Variants in PARVA observed in about 807,000 individuals in gnomAD.
PARVA encodes parvin alpha, also known as alpha-parvin.
A neutral mutation model predicts 52.6 loss-of-function variants in PARVA; 25 were observed. The observed-to-expected ratio is 0.48, with a 90% confidence interval of 0.35 to 0.66. The LOEUF (loss-of-function observed/expected upper bound fraction) is 0.66, where lower values mean the gene tolerates loss of function less well. Among genes scored for constraint, PARVA ranks in the 30% least tolerant of loss-of-function variants. PARVA has a pLI of 0.01. For synonymous variants in PARVA, 185 were observed against 179.1 expected, an observed-to-expected ratio of 1.03 and a Z score of -0.26; for missense variants, 373 against 450.9, an observed-to-expected ratio of 0.83 and a Z score of 1.56.
At chr11:12,486,134 G>C (rs900066806) in intron 4 of PARVA, among the ~76,000 whole-genome samples, 2 of 152,194 alleles carry the variant, frequency 1.3e-5, no homozygotes, top group Admixed American at 1.3e-4. Flanking sequence ...AGTAATGTGA[G>C]CTGTTAACAA....
rs1941734155 is a variant in PARVA, at chr11:12,528,611, T to TGTGCACATCTGAGCAC, written c.*695_*710dup. The TGTGCACATCTGAGCAC allele has an allele frequency of 6.5e-6, 1 of 152,744 alleles. No individual in the cohort carries two copies. The highest frequency in any genetic ancestry group is 1.5e-5 in the Non-Finnish European group (1 of 68,188). 9.5% of individuals were successfully genotyped at this position (152,744 alleles called of 1,614,324 possible). A position where few individuals can be genotyped will look rare whatever the true frequency, so the allele number is the denominator to read the frequency against. ...TGCATGTTCTAAAGTTGTGTATGTG[T>TGTGCACATCTGAGCAC]GTGCACATCTGAGCACGTGCACATG... is the stretch of plus-strand genomic sequence containing the variant. On this transcript the variant is annotated 3_prime_UTR_variant, in exon 13 of 13. Transcript: ENST00000334956.
intron 1 of PARVA, among the ~76,000 whole-genome samples, chr11:12,392,083 T>C (rs749159998): frequency 6.6e-6 from 1 of 151,988 alleles, no homozygotes; most frequent in Non-Finnish European, 1.5e-5. Context: ...TTGCCTACTG[T>C]GGACATTCCA....
At chr11:12,478,033 C>T in intron 4 of PARVA, 84 bp downstream of exon 4, 1 of 810,462 alleles carries the variant, frequency 1.2e-6, no homozygotes, top group Admixed American at 1.7e-5. Flanking sequence ...GAGTTATTCT[C>T]AGTTTACAGT....
chr11:12,501,809 T>C (rs1295105026), intron 5 of PARVA, among the ~76,000 whole-genome samples: 1 of 152,208 alleles, frequency 6.6e-6, no homozygotes, highest in Non-Finnish European at 1.5e-5. Context: ...GAGTCTGACA[T>C]CTATATGATG....
intron 1 of PARVA, among the ~76,000 whole-genome samples, chr11:12,435,518 A>G (rs893898306): frequency 1.3e-5 from 2 of 152,208 alleles, no homozygotes; most frequent in African/African-American, 4.8e-5. Context: ...CATGATAGCA[A>G]GTGCTTGTGT....
intron 1 of PARVA, among the ~76,000 whole-genome samples, chr11:12,398,965 G>A (rs1048198984): frequency 2.6e-5 from 4 of 151,962 alleles, no homozygotes; most frequent in South Asian, 2.1e-4. Context: ...TAATCCTGCC[G>A]AACCCTATAC....
intron 1 of PARVA, among the ~76,000 whole-genome samples, chr11:12,422,466 G>T (rs189487302): frequency 3.2e-4 from 48 of 152,342 alleles, no homozygotes; most frequent in Admixed American, 7.8e-4. Context: ...GGCAGTAGTT[G>T]AGTGGGCTTG....
At chr11:12,433,906 G>T (rs1430739115) in intron 1 of PARVA, among the ~76,000 whole-genome samples, 1 of 152,160 alleles carries the variant, frequency 6.6e-6, no homozygotes, top group Non-Finnish European at 1.5e-5. Flanking sequence ...GTGGAAAATT[G>T]ACCACAGATG....
At chr11:12,518,347 C>A (rs753531983) in intron 11 of PARVA, 98 bp from the exon 12 acceptor site, 25 of 844,654 alleles carry the variant, frequency 3.0e-5, no homozygotes, top group African/African-American at 5.1e-5. Flanking sequence ...CAGCCTCTGT[C>A]CCTCTGGCTA....
At chr11:12,389,334 A>G (rs1939624264) in intron 1 of PARVA, among the ~76,000 whole-genome samples, 1 of 152,080 alleles carries the variant, frequency 6.6e-6, no homozygotes, top group South Asian at 2.1e-4. Context: ...GGGGACTGCC[A>G]TCCTTGAAGC....
At chr11:12,467,896 T>G (rs1940876110) in intron 1 of PARVA, among the ~76,000 whole-genome samples, 1 of 152,216 alleles carries the variant, frequency 6.6e-6, no homozygotes, top group African/African-American at 2.4e-5. Flanking sequence ...CCCGCCCTAC[T>G]TATCTGCTAT....
At chr11:12,440,440 A>T (rs544514768) in intron 1 of PARVA, among the ~76,000 whole-genome samples, 1 of 152,186 alleles carries the variant, frequency 6.6e-6, no homozygotes, top group Non-Finnish European at 1.5e-5. Flanking sequence ...TGTGCCCGTG[A>T]ACTGGGGCTC....
chr11:12,389,695 T>C (rs1015835293), intron 1 of PARVA, among the ~76,000 whole-genome samples: 1 of 152,136 alleles, frequency 6.6e-6, no homozygotes, highest in Non-Finnish European at 1.5e-5. Context: ...TTTCAGCTGG[T>C]TTTGACAGAG....
chr11:12,482,625 CAA>C (rs35722013), intron 4 of PARVA, among the ~76,000 whole-genome samples: 13 of 133,104 alleles, frequency 9.8e-5, no homozygotes, highest in Non-Finnish European at 8.0e-5. Flanking sequence ...GTCTCCATCT[CAA>C]AAAAAAAAAA....
intron 1 of PARVA, among the ~76,000 whole-genome samples, chr11:12,410,997 C>G (rs1939985271): frequency 1.3e-5 from 2 of 152,108 alleles, no homozygotes. Flanking sequence ...CTGACGATCC[C>G]TAGTTCATGA....
chr11:12,513,257 G>T (rs1205466185), intron 8 of PARVA, 42 bp from the exon 9 acceptor site: 2 of 1,595,806 alleles, frequency 1.3e-6, no homozygotes, highest in Non-Finnish European at 1.7e-6. Flanking sequence ...CCCTGCCAGG[G>T]ATCAGCTCTT....
rs187149773 is a variant in PARVA, at chr11:12,416,786, G to A, written c.136+39003G>A. ...TGGAGGGAGAAAGAAGGGAAGAGGA[G>A]GGAGGGAGGGAGAAAGGAGGGGAGG... On this transcript the variant is annotated intron_variant, in intron 1 of 12. Coordinates refer to ENST00000334956, the MANE Select transcript of PARVA (RefSeq NM_018222.5). Among the ~76,000 whole-genome samples the A allele has an allele frequency of 1.9e-3, 284 of 151,846 alleles. 4 individuals are homozygous for A. The highest frequency in any genetic ancestry group is 0.017 in the Admixed American group (261 of 15,232).
chr11:12,511,578 G>A lies in PARVA; in HGVS notation c.736+45G>A. The A allele has an allele frequency of 2.5e-6, 4 of 1,603,230 alleles. No individual in the cohort carries two copies. The South Asian group carries it at 4.4e-5, about 18-fold the overall frequency. On this transcript the variant is annotated intron_variant, in intron 8 of 12. Coordinates refer to ENST00000334956, the MANE Select transcript of PARVA (RefSeq NM_018222.5). ...CCTCTGGCACTGGTGGCTGCACTGG[G>A]GCTTTAGTTAATTCCGCAGCAGCTG... is the stretch of plus-strand genomic sequence containing the variant.
In PARVA at chr11:12,532,730, T is replaced by C. The variant is rs1196694121; in HGVS notation, c.*4805T>C. Among the ~76,000 whole-genome samples the C allele has an allele frequency of 2.0e-5, 3 of 152,254 alleles. No homozygotes were observed. Among genetic ancestry groups the C allele is most frequent in the East Asian group, 1.9e-4 (1 of 5,178 alleles). ...TCCCTCAGTCGTGGAGCTACTCCAA[T>C]GAGAAGCCTGCCACTCCAGGGCGCA... On this transcript the variant is annotated 3_prime_UTR_variant, in exon 13 of 13. Coordinates refer to ENST00000334956, the MANE Select transcript of PARVA (RefSeq NM_018222.5).
Sources: gnomAD v4.1 joint callset for allele counts (sites outside exome capture counted in the v4.1 genomes callset) on GRCh38, gnomAD v4.1.1 for gene constraint, MANE v1.5 for transcripts, NCBI Gene and HGNC (gene_info 2026-07-23, HGNC 2026-07-21) for gene names.